DNAJC15: variants seen among roughly 807,000 people sequenced by gnomAD.
The protein encoded by DNAJC15 is dnaJ homolog subfamily C member 15.
A neutral mutation model predicts 22.4 loss-of-function variants in DNAJC15; 27 were observed. That is an observed-to-expected ratio of 1.20 (90% CI 0.89 to 1.66). The LOEUF (loss-of-function observed/expected upper bound fraction) is 1.66. Ranked by LOEUF, DNAJC15 falls within the 40% of genes most tolerant of loss-of-function variation. DNAJC15 has a pLI of 0.00. For synonymous variants in DNAJC15, 79 were observed against 63.2 expected (o/e 1.25, Z -1.19); for missense variants, 208 against 187.1 (o/e 1.11, Z -0.65).
rs1161229978 is a variant in DNAJC15, at chr13:43,085,841, A to C, written c.382+3A>C. The stretch of plus-strand genomic sequence containing the variant: ...GATTTTGAATCACCCAGATAAAGGT[A>C]GGTAGAATTCCTATTTTTCATAATA... On this transcript the variant is annotated splice_donor_region_variant and intron_variant, in intron 5 of 5. Transcript: ENST00000379221. 1.2e-6 allele frequency: 2 copies of C among 1,612,022 alleles called. No homozygotes were observed. Among genetic ancestry groups the C allele is most frequent in the African/African-American group, 2.7e-5 (2 of 75,002 alleles).
intron 1 of DNAJC15, among the ~76,000 whole-genome samples, chr13:43,034,138 T>C (rs2040416635): frequency 2.0e-5 from 3 of 151,640 alleles, no homozygotes; most frequent in Admixed American, 6.6e-5. Context: ...GATGCGGCAG[T>C]ATTTGTGAGT....
intron 1 of DNAJC15, among the ~76,000 whole-genome samples, chr13:43,041,062 C>G (rs1234962457): frequency 2.0e-5 from 3 of 152,222 alleles, no homozygotes; most frequent in African/African-American, 7.2e-5. Context: ...TCCTCTTTTA[C>G]TAATCCTCCT....
At chr13:43,086,171 T>C (rs1022569954) in intron 5 of DNAJC15, among the ~76,000 whole-genome samples, 1 of 152,238 alleles carries the variant, frequency 6.6e-6, no homozygotes, top group Admixed American at 6.5e-5. Context: ...CGAATTGTAT[T>C]TATGTAACCT....
At chr13:43,029,151 A>T (rs2040393567) in intron 1 of DNAJC15, among the ~76,000 whole-genome samples, 2 of 152,230 alleles carry the variant, frequency 1.3e-5, no homozygotes, top group Admixed American at 1.3e-4. Flanking sequence ...CCTCTAAGGG[A>T]GAGCAAGAGT....
chr13:43,109,216 G>A lies in DNAJC15; in HGVS notation c.*1968G>A, dbSNP rs2040813267. 1 of 152,032 alleles carries A rather than the reference G, an allele frequency of 6.6e-6. No homozygotes were observed. Among genetic ancestry groups the A allele is most frequent in the African/African-American group, 2.4e-5 (1 of 41,398 alleles). The allele number at this position is 152,032 out of a possible 1,614,324, so 9.4% of individuals were successfully genotyped here. ...TTCTTCACATGGTACATAACTATAG[G>A]GGCTATAGCTTGGTACCTTGTGAAG... On this transcript the variant is annotated 3_prime_UTR_variant, in exon 6 of 6. Transcript: ENST00000379221.
In DNAJC15 at chr13:43,068,990, A is replaced by C. The variant is rs61733777; in HGVS notation, c.221A>C (p.Lys74Thr). ...LEQVITETAK[K>T]ISTPSFSSYY... is the part of the protein sequence containing the mutation. ...CAAGTTATCACAGAAACTGCAAAGA[A>C]GATTTCAACTCCTGTAAGTTAAACG... Residue 74 changes from lysine to threonine, a missense_variant, in exon 3 of 6, where the codon AAG (lysine) becomes ACG (threonine). By Grantham distance (78) the Lys-to-Thr change is moderately conservative. Transcript: ENST00000379221. 1.6e-3 allele frequency: 2,525 copies of C among 1,612,664 alleles called. 30 individuals are homozygous for C. In the African/African-American group the frequency reaches 0.025, roughly 16 times the overall value.
intron 5 of DNAJC15, among the ~76,000 whole-genome samples, chr13:43,100,312 A>G (rs1010796456): frequency 6.8e-6 from 1 of 147,366 alleles, no homozygotes; most frequent in African/African-American, 2.5e-5. Flanking sequence ...GGCTTAAGTG[A>G]TCCTTCCACC....
chr13:43,058,641 C>T (rs73473978), intron 1 of DNAJC15, among the ~76,000 whole-genome samples: 2 of 152,100 alleles, frequency 1.3e-5, no homozygotes, highest in African/African-American at 4.8e-5. Flanking sequence ...ACCCCTTCCT[C>T]CATTCCTCCC....
chr13:43,107,061 T>G, intron 5 of DNAJC15, 117 bp from the exon 6 acceptor site: 1 of 762,760 alleles, frequency 1.3e-6, no homozygotes, highest in South Asian at 3.7e-5. Context: ...ATAAAATAAT[T>G]TGTCAGAGGA....
At chr13:43,055,819 C>T (rs1204583359) in intron 1 of DNAJC15, among the ~76,000 whole-genome samples, 1 of 152,054 alleles carries the variant, frequency 6.6e-6, no homozygotes, top group African/African-American at 2.4e-5. Flanking sequence ...TGTGACCTTA[C>T]ATTGTCTATT....
intron 3 of DNAJC15, among the ~76,000 whole-genome samples, chr13:43,070,454 T>A (rs541709096): frequency 3.4e-4 from 49 of 142,500 alleles, no homozygotes; most frequent in Middle Eastern, 3.7e-3. Flanking sequence ...AGACACAGTG[T>A]AAAAAAAAAA....
At chr13:43,101,587 TC>T (rs1353453095) in intron 5 of DNAJC15, among the ~76,000 whole-genome samples, 2 of 152,136 alleles carry the variant, frequency 1.3e-5, no homozygotes, top group Non-Finnish European at 2.9e-5. Flanking sequence ...TCCCCCTAAG[TC>T]TCCAAAGTCC....
At chr13:43,056,809 G>C (rs987876325) in intron 1 of DNAJC15, among the ~76,000 whole-genome samples, 1 of 151,948 alleles carries the variant, frequency 6.6e-6, no homozygotes, top group African/African-American at 2.4e-5. Context: ...AGTCTGTTTT[G>C]TCTGTTGTAA....
In DNAJC15 at chr13:43,107,512, T is replaced by A; in HGVS notation, c.*264T>A. ...CATTTTTAAGATTTTTGTTATGTTCTGAATTCCCCCCTACACACACACACA... is the reference window on the plus strand; with the variant it reads ...CATTTTTAAGATTTTTGTTATGTTCAGAATTCCCCCCTACACACACACACA... On this transcript the variant is annotated 3_prime_UTR_variant, in exon 6 of 6. Transcript: ENST00000379221. The A allele has an allele frequency of 4.8e-6, 1 of 206,234 alleles. No homozygotes were observed. The highest frequency in any genetic ancestry group is 8.8e-6 in the Non-Finnish European group (1 of 113,016). 12.8% of individuals were successfully genotyped at this position (206,234 alleles called of 1,614,324 possible). A position where few individuals can be genotyped will look rare whatever the true frequency, so the allele number is the denominator to read the frequency against.
chr13:43,051,667 A>G (rs1033643519), intron 1 of DNAJC15, among the ~76,000 whole-genome samples: 74 of 146,428 alleles, frequency 5.1e-4, no homozygotes, highest in Non-Finnish European at 9.4e-4. Flanking sequence ...GTGTGTATAT[A>G]TATCACATTT....
intron 4 of DNAJC15, among the ~76,000 whole-genome samples, chr13:43,084,328 A>G (rs1266461396): frequency 6.6e-6 from 1 of 152,144 alleles, no homozygotes; most frequent in African/African-American, 2.4e-5. Context: ...CTTTTTACTT[A>G]TATTATCTAA....
At chr13:43,049,619 CAAAG>C (rs751413166) in intron 1 of DNAJC15, among the ~76,000 whole-genome samples, 7 of 152,116 alleles carry the variant, frequency 4.6e-5, no homozygotes, top group African/African-American at 7.2e-5. Flanking sequence ...AAATTAAAGC[CAAAG>C]AAAGGTATGG....
chr13:43,082,982 T>G (rs937762256), intron 4 of DNAJC15, among the ~76,000 whole-genome samples: 1 of 151,926 alleles, frequency 6.6e-6, no homozygotes, highest in African/African-American at 2.4e-5. Context: ...GTGATGAAAT[T>G]TATGAAATAG....
intron 1 of DNAJC15, among the ~76,000 whole-genome samples, chr13:43,024,569 C>T (rs1164599552): frequency 5.9e-5 from 9 of 151,816 alleles, no homozygotes; most frequent in Non-Finnish European, 1.2e-4. Flanking sequence ...TGGTCTCGAT[C>T]TGCTTACCTC....
Sources: allele counts gnomAD v4.1 joint callset (sites outside exome capture counted in the v4.1 genomes callset), GRCh38; gene constraint gnomAD v4.1.1; transcripts MANE v1.5; gene names NCBI Gene and HGNC (gene_info 2026-07-23, HGNC 2026-07-21).